TRPC7: variants seen among roughly 807,000 people sequenced by gnomAD.
TRPC7 encodes the protein short transient receptor potential channel 7.
In TRPC7, 42 loss-of-function variants were observed where a neutral mutation model predicts 90.1. That is an observed-to-expected ratio of 0.47 (90% CI 0.36 to 0.60). The LOEUF (loss-of-function observed/expected upper bound fraction) is 0.60, where lower values mean the gene tolerates loss of function less well. Among genes scored for constraint, TRPC7 ranks in the 20% least tolerant of loss-of-function variants. The pLI, the probability that TRPC7 is intolerant of heterozygous loss-of-function variation, is 0.00. For missense variants in TRPC7, 955 were observed against 1,112.3 expected (o/e 0.86, Z 2.01); for synonymous variants, 451 against 436.3 (o/e 1.03, Z -0.42).
intron 2 of TRPC7, among the ~76,000 whole-genome samples, chr5:136,348,217 G>A (rs945579118): frequency 2.0e-5 from 3 of 152,126 alleles, no homozygotes; most frequent in Non-Finnish European, 4.4e-5. Flanking sequence ...TTCTTACACG[G>A]CCACTAATGG....
intron 3 of TRPC7, among the ~76,000 whole-genome samples, chr5:136,308,231 C>T (rs1056876065): frequency 1.1e-4 from 16 of 152,180 alleles, no homozygotes; most frequent in African/African-American, 4.8e-5. Context: ...CCTTCTGAGC[C>T]AGGAGATTAA....
At chr5:136,248,102 C>G (rs1036400671) in intron 6 of TRPC7, among the ~76,000 whole-genome samples, 4 of 152,218 alleles carry the variant, frequency 2.6e-5, no homozygotes, top group Non-Finnish European at 5.9e-5. Flanking sequence ...TTGGCACTCA[C>G]CAGGCCACTT....
At chr5:136,288,037 G>C (rs572482846) in intron 3 of TRPC7, among the ~76,000 whole-genome samples, 48 of 152,236 alleles carry the variant, frequency 3.2e-4, no homozygotes, top group African/African-American at 1.0e-3. Flanking sequence ...GCCAGACATT[G>C]TTCTAAATGA....
At chr5:136,312,869 TTA>T (rs1758878052) in intron 3 of TRPC7, among the ~76,000 whole-genome samples, 1 of 152,108 alleles carries the variant, frequency 6.6e-6, no homozygotes, top group Non-Finnish European at 1.5e-5. Context: ...TGATTATAGA[TTA>T]GTTTCCCGAA....
chr5:136,237,934 G>T (rs1756040416), intron 7 of TRPC7, among the ~76,000 whole-genome samples: 1 of 152,190 alleles, frequency 6.6e-6, no homozygotes, highest in South Asian at 2.1e-4. Flanking sequence ...CCCTGTGGCT[G>T]ACAAAGCCCA....
chr5:136,324,793 C>G (rs185093849), intron 2 of TRPC7, among the ~76,000 whole-genome samples: 1 of 152,172 alleles, frequency 6.6e-6, no homozygotes, highest in Non-Finnish European at 1.5e-5. Context: ...TTATCCTGAT[C>G]GGTCAAAAGT....
intron 10 of TRPC7, among the ~76,000 whole-genome samples, chr5:136,218,991 G>A (rs1270554470): frequency 6.6e-6 from 1 of 152,212 alleles, no homozygotes; most frequent in Non-Finnish European, 1.5e-5. Context: ...GGAAATCATG[G>A]CTGAGACTTC....
rs1755264006 is a variant in TRPC7, at chr5:136,216,266, T to C, written c.2353A>G (p.Lys785Glu). 1 of 1,612,628 alleles carries C rather than the reference T, an allele frequency of 6.2e-7. No individual in the cohort carries two copies. The highest frequency in any genetic ancestry group is 1.3e-5 in the African/African-American group (1 of 74,944). ...SKPTRYQKIM[K>E]RLIKRYVLKA... The stretch of plus-strand genomic sequence containing the variant: ...AGGACGTATCTTTTTATGAGCCGTT[T>C]CATGATTTTCTGAAATGCCAAGCAA... Residue 785 changes from lysine (K) to glutamate (E), a missense_variant, in exon 11 of 12, where the codon AAA (lysine) becomes GAA (glutamate). By Grantham distance (56) the Lys-to-Glu change is moderately conservative. Around this residue, in one of 4 missense-constraint regions of TRPC7, gnomAD observed 296 missense variants for 422.7 expected, o/e 0.70. Transcript: ENST00000513104.
chr5:136,268,354 A>G (rs1349172888), intron 4 of TRPC7, among the ~76,000 whole-genome samples: 1 of 152,182 alleles, frequency 6.6e-6, no homozygotes, highest in Non-Finnish European at 1.5e-5. Flanking sequence ...AAGAGAGGGC[A>G]AGGGATACCA....
intron 2 of TRPC7, among the ~76,000 whole-genome samples, chr5:136,354,551 C>A (rs1760303583): frequency 6.6e-6 from 1 of 152,182 alleles, no homozygotes; most frequent in East Asian, 1.9e-4. Flanking sequence ...CACCTACATA[C>A]AACAAAATTT....
intron 2 of TRPC7, among the ~76,000 whole-genome samples, chr5:136,331,871 C>G (rs2149846718): frequency 6.6e-6 from 1 of 152,280 alleles, no homozygotes; most frequent in South Asian, 2.1e-4. Context: ...CCAAGGCTGT[C>G]CTAAATCTGA....
rs376839341 is a variant in TRPC7, at chr5:136,356,737, C to G, written c.651G>C (p.Ser217=). 4.0e-5 allele frequency: 65 copies of G among 1,612,310 alleles called. No homozygotes were observed. The highest frequency in any genetic ancestry group is 4.8e-5 in the Non-Finnish European group (57 of 1,179,014). Residue 217 remains serine, a synonymous_variant, in exon 2 of 12, where the codon TCG becomes TCC. Transcript: ENST00000513104. ...CCAGTCCTTTGTAGGCGTTCATGCG[C>G]GAGCGCGAGTGGCTGAAGGAGTCTT... ...QRKDSFSHSR[S]RMNAYKGLAS...
chr5:136,264,595 T>G lies in TRPC7; in HGVS notation c.1345+1625A>C, dbSNP rs551736439. Among the ~76,000 whole-genome samples the G allele has an allele frequency of 6.0e-3, 917 of 151,932 alleles. 9 individuals are homozygous for G. The highest frequency in any genetic ancestry group is 0.02 in the African/African-American group (849 of 41,432). ...GTCACAGGGTTGCTGTTTTTTTTTT[T>G]GTTTGTTTTCTTTTTTAGACAGAGT... On this transcript the variant is annotated intron_variant, in intron 5 of 11. Coordinates refer to ENST00000513104, the MANE Select transcript of TRPC7 (RefSeq NM_020389.3).
At chr5:136,238,395 T>C (rs1023882887) in intron 7 of TRPC7, among the ~76,000 whole-genome samples, 1 of 152,094 alleles carries the variant, frequency 6.6e-6, no homozygotes. Flanking sequence ...GAGGGGTCAG[T>C]GAACATTTTT....
intron 2 of TRPC7, among the ~76,000 whole-genome samples, chr5:136,340,081 A>G (rs1759796172): frequency 6.6e-6 from 1 of 152,232 alleles, no homozygotes; most frequent in Non-Finnish European, 1.5e-5. Flanking sequence ...AAAAGCCATC[A>G]ATGAATGAAT....
chr5:136,340,187 G>A (rs992351878), intron 2 of TRPC7, among the ~76,000 whole-genome samples: 1 of 152,160 alleles, frequency 6.6e-6, no homozygotes, highest in African/African-American at 2.4e-5. Context: ...GATGAACCTA[G>A]AAGAATTATG....
At chr5:136,291,798 G>C (rs952811859) in intron 3 of TRPC7, among the ~76,000 whole-genome samples, 15 of 152,156 alleles carry the variant, frequency 9.9e-5, no homozygotes, top group Admixed American at 2.0e-4. Flanking sequence ...GGACCTAATA[G>C]ACATCTACAG....
intron 2 of TRPC7, among the ~76,000 whole-genome samples, chr5:136,324,231 A>G (rs1357876829): frequency 1.3e-5 from 2 of 152,144 alleles, no homozygotes; most frequent in Non-Finnish European, 2.9e-5. Context: ...ATGTTGTCTG[A>G]AAATATGGAT....
At chr5:136,309,984 C>T (rs1758774740) in intron 3 of TRPC7, among the ~76,000 whole-genome samples, 1 of 152,228 alleles carries the variant, frequency 6.6e-6, no homozygotes, top group Non-Finnish European at 1.5e-5. Flanking sequence ...CCTTCAATGG[C>T]TCCCCATTGT....
Sources: gnomAD v4.1 joint callset for allele counts (sites outside exome capture counted in the v4.1 genomes callset) on GRCh38, gnomAD v4.1.1 for gene constraint, gnomAD v4.1.1 regional missense constraint, MANE v1.5 for transcripts, NCBI Gene and HGNC (gene_info 2026-07-23, HGNC 2026-07-21) for gene names.